Variants in TERB2 observed in about 807,000 individuals in gnomAD.
TERB2 encodes the protein telomere repeat binding bouquet formation protein 2, also known as telomere repeats-binding bouquet formation protein 2.
A neutral mutation model predicts 29.8 loss-of-function variants in TERB2; 26 were observed. The observed-to-expected ratio is 0.87, with a 90% CI of 0.64 to 1.21. The LOEUF is 1.21. Among genes scored for constraint, TERB2 ranks in the 50% most tolerant of loss-of-function variants. TERB2 has a pLI of 0.00. For missense variants in TERB2, 240 were observed against 268.6 expected (o/e 0.89, Z 0.74); for synonymous variants, 80 against 90.8 (o/e 0.88, Z 0.68).
chr15:44,967,787 T>C (rs1428310991), intron 5 of TERB2, among the ~76,000 whole-genome samples: 1 of 138,996 alleles, frequency 7.2e-6, no homozygotes, highest in East Asian at 2.1e-4. Flanking sequence ...CCCTACAGTC[T>C]GGTATTTAGC....
intron 5 of TERB2, among the ~76,000 whole-genome samples, chr15:44,969,789 C>A: frequency 7.1e-6 from 1 of 140,432 alleles, no homozygotes. Flanking sequence ...AAGAGTGAGG[C>A]CATGTATCAA....
chr15:44,961,396 A>C (rs1371578628), intron 3 of TERB2, 127 bp from the exon 4 acceptor site: 8 of 619,154 alleles, frequency 1.3e-5, no homozygotes, highest in Non-Finnish European at 2.0e-5. Context: ...CATTTTAACA[A>C]GTGTGTTATG....
rs778605054 is a variant in TERB2, at chr15:44,958,448, T to C, written c.222T>C (p.Asn74=). The part of the protein sequence containing the change: ...FHAYYLSAVA[N]AKIKNSVALG... ...CCTACTATCTCTCTGCGGTAGCTAA[T>C]GCCAAAATAAAAAACTCGGTGGCTT... The change falls in exon 3 of 7, where the codon AAT becomes AAC. Residue 74 remains asparagine, a synonymous_variant. Coordinates refer to ENST00000340827, the MANE Select transcript of TERB2 (RefSeq NM_152448.3). 1 of 1,614,088 alleles carries C rather than the reference T, an allele frequency of 6.2e-7. No homozygotes were observed. The highest frequency in any genetic ancestry group is 2.2e-5 in the East Asian group (1 of 44,898).
At chr15:44,976,454 G>A (rs1283397415) in intron 6 of TERB2, among the ~76,000 whole-genome samples, 3 of 152,130 alleles carry the variant, frequency 2.0e-5, no homozygotes, top group East Asian at 1.9e-4. Flanking sequence ...ACCATCCACA[G>A]CATGGTAGGT....
chr15:44,956,966 A>G lies in TERB2; in HGVS notation c.135A>G (p.Pro45=), dbSNP rs530116165. The change falls in exon 2 of 7, where the codon CCA becomes CCG. Residue 45 remains proline, a synonymous_variant. Transcript: ENST00000340827. ...TGTTCAGCTGTGATGCCTCGCACCCAGACACGCTGAGGTACTGAGGGCGAC... is the reference window on the plus strand; with the variant it reads ...TGTTCAGCTGTGATGCCTCGCACCCGGACACGCTGAGGTACTGAGGGCGAC... ...DFLFSCDASH[P]DTLRIYQSLD... 3.5e-5 allele frequency: 56 copies of G among 1,613,584 alleles called. No homozygotes were observed. The South Asian group carries it at 5.8e-4, about 17-fold the overall frequency.
chr15:44,964,033 TCTC>T (rs775591269), intron 4 of TERB2, among the ~76,000 whole-genome samples: 2 of 151,954 alleles, frequency 1.3e-5, no homozygotes, highest in African/African-American at 2.4e-5. Flanking sequence ...ATGGTCTCAA[TCTC>T]CTGACCTCGT....
chr15:44,957,054 T>C lies in TERB2; in HGVS notation c.146+77T>C. 5 of 1,439,802 alleles carry C rather than the reference T, an allele frequency of 3.5e-6. No individual in the cohort carries two copies. In the Admixed American group the frequency reaches 8.9e-5, roughly 26 times the overall value. The allele number at this position is 1,439,802 out of a possible 1,614,324, so 89.2% of individuals were successfully genotyped here. ...AGGGATGGAAGTTGCAGTCCACTAA[T>C]AAATATTGATGAGGCTGGGCGCGGT... On this transcript the variant is annotated intron_variant, in intron 2 of 6. Coordinates refer to ENST00000340827, the MANE Select transcript of TERB2 (RefSeq NM_152448.3).
At chr15:44,967,260 T>C (rs557557181) in intron 5 of TERB2, among the ~76,000 whole-genome samples, 5 of 152,370 alleles carry the variant, frequency 3.3e-5, no homozygotes, top group South Asian at 2.1e-4. Flanking sequence ...ATAGGGAACA[T>C]TGGTTCTTCA....
intron 6 of TERB2, among the ~76,000 whole-genome samples, chr15:44,977,115 A>ACACACACACACACC (rs1371939306): frequency 6.6e-6 from 1 of 151,160 alleles, no homozygotes; most frequent in Non-Finnish European, 1.5e-5. Flanking sequence ...ACACACACAC[A>ACACACACACACACC]CCCCAGAAAA....
intron 3 of TERB2, among the ~76,000 whole-genome samples, chr15:44,959,945 C>T (rs950748674): frequency 2.0e-5 from 3 of 152,174 alleles, no homozygotes; most frequent in Admixed American, 2.0e-4. Flanking sequence ...CTTCCATAGT[C>T]AATGTCCTGG....
intron 4 of TERB2, among the ~76,000 whole-genome samples, 193 bp from the exon 5 acceptor site, chr15:44,965,965 T>C (rs1169230234): frequency 6.6e-6 from 1 of 152,078 alleles, no homozygotes; most frequent in Admixed American, 6.5e-5. Flanking sequence ...ATATATAGTA[T>C]AATTATATGT....
intron 4 of TERB2, among the ~76,000 whole-genome samples, chr15:44,964,236 C>G (rs1157638519): frequency 2.0e-5 from 3 of 151,938 alleles, no homozygotes; most frequent in Admixed American, 1.3e-4. Flanking sequence ...TATAGAAAAC[C>G]TTTACATTAT....
At chr15:44,960,996 ATATC>A (rs1891792325) in intron 3 of TERB2, among the ~76,000 whole-genome samples, 1 of 151,866 alleles carries the variant, frequency 6.6e-6, no homozygotes, top group Non-Finnish European at 1.5e-5. Context: ...CATCTAATAT[ATATC>A]TAATGCATTA....
At chr15:44,974,412 C>G (rs1011636220) in intron 6 of TERB2, among the ~76,000 whole-genome samples, 5 of 152,116 alleles carry the variant, frequency 3.3e-5, no homozygotes, top group Admixed American at 2.0e-4. Context: ...ATTTTAAAAA[C>G]CAAACAAAAA....
In TERB2 at chr15:44,966,311, T is replaced by C. The variant is rs1891887541; in HGVS notation, c.434+68T>C. ...AAATCTGTGAGCACTGATTGTGTGCTTATCTCATTTAATTTTCAGTTTTCC... is the reference window on the plus strand; with the variant it reads ...AAATCTGTGAGCACTGATTGTGTGCCTATCTCATTTAATTTTCAGTTTTCC... On this transcript the variant is annotated intron_variant, in intron 5 of 6. Transcript: ENST00000340827. 12 of 904,604 alleles carry C rather than the reference T, an allele frequency of 1.3e-5. No homozygotes were observed. In the South Asian group the frequency reaches 1.3e-4, roughly 10 times the overall value. The allele number at this position is 904,604 out of a possible 1,614,324, so 56.0% of individuals were successfully genotyped here.
chr15:44,977,116 C>CA (rs1566947510), intron 6 of TERB2, among the ~76,000 whole-genome samples: 7 of 151,414 alleles, frequency 4.6e-5, no homozygotes, highest in African/African-American at 1.7e-4. Context: ...CACACACACA[C>CA]CCCAGAAAAA....
chr15:44,975,100 G>C (rs1380839446), intron 6 of TERB2, among the ~76,000 whole-genome samples: 2 of 152,096 alleles, frequency 1.3e-5, no homozygotes, highest in African/African-American at 2.4e-5. Flanking sequence ...AAATTAGTCA[G>C]AATTTTAAAA....
At position 44,957,486 on chromosome 15, in the gene TERB2, A is replaced by T. The variant is rs1263409648; in HGVS notation, c.146+509A>T. Among the ~76,000 whole-genome samples the T allele has an allele frequency of 2.0e-5, 3 of 151,890 alleles. No homozygotes were observed. In the East Asian group the frequency reaches 5.8e-4, roughly 29 times the overall value. ...CCCCTCATACTCAATGTCTAAATCA[A>T]ATCTTGTCATTTCCCCTCATACCTG... On this transcript the variant is annotated intron_variant, in intron 2 of 6. Transcript: ENST00000340827.
intron 5 of TERB2, among the ~76,000 whole-genome samples, chr15:44,971,352 CCCA>C (rs1891965028): frequency 6.6e-6 from 1 of 152,162 alleles, no homozygotes. Flanking sequence ...CTTATATCTA[CCCA>C]TTTGGAATTC....
Sources: gnomAD v4.1 joint callset for allele counts (sites outside exome capture counted in the v4.1 genomes callset) on GRCh38, gnomAD v4.1.1 for gene constraint, MANE v1.5 for transcripts, NCBI Gene and HGNC (gene_info 2026-07-23, HGNC 2026-07-21) for gene names.